Variants in SENP1 observed in about 807,000 individuals in gnomAD.
SENP1 encodes the protein sentrin-specific protease 1.
SENP1 carries 21 observed loss-of-function variants against 93.0 expected under a neutral mutation model. The observed-to-expected ratio is 0.23, with a 90% CI of 0.16 to 0.33. The LOEUF (loss-of-function observed/expected upper bound fraction) is 0.33. Ranked by LOEUF, SENP1 falls within the 10% of genes least tolerant of loss-of-function variation. The pLI is 1.00. For synonymous variants in SENP1, 256 were observed against 259.6 expected (o/e 0.99, Z 0.13); for missense variants, 591 against 758.7 (o/e 0.78, Z 2.60).
In SENP1 at chr12:48,071,719, A is replaced by G. The variant is rs1344683088; in HGVS notation, c.943T>C (p.Ser315Pro). The G allele has an allele frequency of 1.9e-6, 3 of 1,602,284 alleles. No homozygotes were observed. In the African/African-American group the frequency reaches 4.0e-5, roughly 21 times the overall value. The change falls in exon 9 of 18, where the codon TCA becomes CCA. Residue 315 changes from serine to proline, a missense_variant and splice_region_variant. This residue lies in a region of SENP1 where 238 missense variants were observed against 259.1 expected (regional missense o/e 0.92). Coordinates refer to ENST00000549518, the MANE Select transcript of SENP1 (RefSeq NM_001267594.2). ...LAASNTQSEGSDSVILLKVKD... is the reference protein window; with the variant it reads ...LAASNTQSEGPDSVILLKVKD... ...ACTTTCAGTAAAATCACAGAGTCTG[A>G]TCCTAAAGAAACACAAGAGCATTTC...
At chr12:48,097,281 T>A (rs1001326367) in intron 3 of SENP1, among the ~76,000 whole-genome samples, 3 of 152,136 alleles carry the variant, frequency 2.0e-5, no homozygotes, top group African/African-American at 7.2e-5. Context: ...TGAGTACATA[T>A]CTGGAAATGT....
chr12:48,048,425 G>C (rs749439900), intron 14 of SENP1, among the ~76,000 whole-genome samples: 1 of 152,206 alleles, frequency 6.6e-6, no homozygotes, highest in Non-Finnish European at 1.5e-5. Context: ...CAAAGTTTCA[G>C]AAAGATGGTG....
At chr12:48,070,128 TA>T (rs1474598457) in intron 9 of SENP1, among the ~76,000 whole-genome samples, 1 of 152,088 alleles carries the variant, frequency 6.6e-6, no homozygotes, top group Admixed American at 6.6e-5. Context: ...ACCTAAAAGA[TA>T]AAACACTACT....
rs1451327387 is a variant in SENP1 at position 48,106,047 on chromosome 12, A to T, written c.-64T>A. On this transcript the variant is annotated 5_prime_UTR_variant, in exon 1 of 18. It removes an upstream start codon present in the reference 5' UTR. Coordinates refer to ENST00000549518, the MANE Select transcript of SENP1 (RefSeq NM_001267594.2). ...ACTCACCGAACCGGAACCGGCTGCC[A>T]TGCGAAGGGGTTTCCGGCCGGGCGC... 6 of 702,156 alleles carry T rather than the reference A, an allele frequency of 8.5e-6. No homozygotes were observed. In the East Asian group the frequency reaches 1.1e-4, roughly 13 times the overall value. The allele number at this position is 702,156 out of a possible 1,614,324, so 43.5% of individuals were successfully genotyped here.
chr12:48,105,354 G>A (rs1041779596), intron 1 of SENP1: 2 of 518,456 alleles, frequency 3.9e-6, no homozygotes, highest in Admixed American at 3.9e-5. Flanking sequence ...CATAGATCCA[G>A]AGATCACGTT....
chr12:48,066,912 C>T lies in SENP1; in HGVS notation c.1034+15G>A. 6.5e-7 allele frequency: 1 copy of T among 1,541,592 alleles called. No individual in the cohort carries two copies. Among genetic ancestry groups the T allele is most frequent in the South Asian group, 1.2e-5 (1 of 83,762 alleles). On this transcript the variant is annotated intron_variant, in intron 10 of 17. Coordinates refer to ENST00000549518, the MANE Select transcript of SENP1 (RefSeq NM_001267594.2). ...AACTGATTGAGAAGGAAAAATGATA[C>T]CAAAAATAACTTACAATTCTTTGAT...
chr12:48,074,221 G>A, intron 8 of SENP1, 103 bp downstream of exon 8: 1 of 987,024 alleles, frequency 1.0e-6, no homozygotes, highest in South Asian at 1.7e-5. Context: ...GATTCGGTAT[G>A]CTCATTTATT....
chr12:48,059,878 TAGG>T, intron 13 of SENP1, among the ~76,000 whole-genome samples: 1 of 152,142 alleles, frequency 6.6e-6, no homozygotes, highest in African/African-American at 2.4e-5. Flanking sequence ...CCCTGTGACT[TAGG>T]AGGTTTTTCT....
At chr12:48,078,079 T>C (rs1944223082) in intron 6 of SENP1, among the ~76,000 whole-genome samples, 1 of 151,894 alleles carries the variant, frequency 6.6e-6, no homozygotes, top group Admixed American at 6.6e-5. Flanking sequence ...TTCCATTTAA[T>C]TGTATCTTCA....
intron 4 of SENP1, among the ~76,000 whole-genome samples, chr12:48,091,470 T>G (rs1945223029): frequency 1.3e-5 from 2 of 151,422 alleles, no homozygotes; most frequent in Admixed American, 1.3e-4. Flanking sequence ...AAAAAGAATG[T>G]GTCAGCTAAC....
intron 1 of SENP1, among the ~76,000 whole-genome samples, chr12:48,103,578 A>G (rs1946106076): frequency 6.6e-6 from 1 of 152,170 alleles, no homozygotes; most frequent in African/African-American, 2.4e-5. Context: ...ACATTGGGAG[A>G]AGGAATATTT....
chr12:48,092,014 T>C (rs1945255584), intron 4 of SENP1, among the ~76,000 whole-genome samples: 2 of 152,144 alleles, frequency 1.3e-5, no homozygotes, highest in Admixed American at 1.3e-4. Context: ...TAAAATTTTA[T>C]TTTTTAAAAA....
At chr12:48,081,557 T>C (rs1592411556) in intron 6 of SENP1, 1 of 147,026 alleles carries the variant, frequency 6.8e-6, no homozygotes, top group East Asian at 2.1e-4. Flanking sequence ...CACTTGAATG[T>C]TGGTGTTTTT....
At chr12:48,064,417 T>A (rs1413771479) in intron 12 of SENP1, among the ~76,000 whole-genome samples, 1 of 152,192 alleles carries the variant, frequency 6.6e-6, no homozygotes, top group African/African-American at 2.4e-5. Context: ...AAATTTTCTA[T>A]AATGGGTTTT....
chr12:48,066,990 G>A, intron 9 of SENP1, 25 bp from the exon 10 acceptor site: 4 of 1,502,600 alleles, frequency 2.7e-6, no homozygotes, highest in Non-Finnish European at 3.6e-6. Flanking sequence ...AGAAAAATTT[G>A]ACAAATGAGC....
rs1265663762 is a variant in SENP1, at chr12:48,074,787, G to T, written c.559C>A (p.Gln187Lys). The change falls in exon 7 of 18, where the codon CAA becomes AAA. Residue 187 changes from glutamine to lysine, a missense_variant. Gln to Lys is a moderately conservative substitution (Grantham distance 53). Coordinates refer to ENST00000549518, the MANE Select transcript of SENP1 (RefSeq NM_001267594.2). ...RHVSTAEETV[Q>K]EEEREIYRQL... ...CTGTAAATCTCTCTTTCTTCTTCTTGAACTGTCTATAAGAAAACAAAAAAA... is the reference window on the plus strand; with the variant it reads ...CTGTAAATCTCTCTTTCTTCTTCTTTAACTGTCTATAAGAAAACAAAAAAA... 2 of 1,586,476 alleles carry T rather than the reference G, an allele frequency of 1.3e-6. No individual in the cohort carries two copies. The highest frequency in any genetic ancestry group is 1.7e-6 in the Non-Finnish European group (2 of 1,160,614).
chr12:48,059,594 C>G (rs1942821348), intron 13 of SENP1, among the ~76,000 whole-genome samples: 1 of 152,172 alleles, frequency 6.6e-6, no homozygotes, highest in Non-Finnish European at 1.5e-5. Flanking sequence ...TCTCCCTCAT[C>G]ATAAATTGTA....
chr12:48,065,569 T>C, intron 11 of SENP1, 27 bp downstream of exon 11: 1 of 1,429,380 alleles, frequency 7.0e-7, no homozygotes, highest in Non-Finnish European at 9.6e-7. Flanking sequence ...TATTTATTTG[T>C]AATATTATTC....
intron 1 of SENP1, among the ~76,000 whole-genome samples, chr12:48,101,810 G>C (rs1945956194): frequency 6.6e-6 from 1 of 152,156 alleles, no homozygotes; most frequent in African/African-American, 2.4e-5. Context: ...GAGACTGAGT[G>C]GTTTGCATAA....
Sources: allele counts gnomAD v4.1 joint callset (sites outside exome capture counted in the v4.1 genomes callset), GRCh38; gene constraint gnomAD v4.1.1; regional missense constraint gnomAD v4.1.1; transcripts MANE v1.5; gene names NCBI Gene and HGNC (gene_info 2026-07-23, HGNC 2026-07-21).